NEGR1: variants seen among roughly 807,000 people sequenced by gnomAD.
NEGR1 encodes the protein neuronal growth regulator 1.
NEGR1 carries 10 observed loss-of-function variants against 40.9 expected under a neutral mutation model. That is an observed-to-expected ratio of 0.24 (90% CI 0.15 to 0.42). NEGR1 has a LOEUF of 0.42. NEGR1 is among the 10% of genes least tolerant of loss of function. The probability of loss-of-function intolerance (pLI) is 1.00; values close to 1 mark genes in which losing one functional copy is unlikely to be tolerated. For synonymous variants in NEGR1, 185 were observed against 166.8 expected, an observed-to-expected ratio of 1.11 and a Z score of -0.84; for missense variants, 352 against 438.9, an observed-to-expected ratio of 0.80 and a Z score of 1.77.
chr1:71,560,050 C>G (rs1002383200), intron 6 of NEGR1, among the ~76,000 whole-genome samples: 1 of 151,188 alleles, frequency 6.6e-6, no homozygotes, highest in South Asian at 2.1e-4. Flanking sequence ...TTGTCAACTA[C>G]ACAGATATTT....
chr1:71,664,893 C>T (rs1570170549), intron 4 of NEGR1, among the ~76,000 whole-genome samples: 2 of 152,176 alleles, frequency 1.3e-5, no homozygotes, highest in East Asian at 3.9e-4. Context: ...ATGTAAGTTT[C>T]TGGGGTAGAT....
At chr1:71,659,975 G>A (rs1652003534) in intron 4 of NEGR1, among the ~76,000 whole-genome samples, 1 of 152,074 alleles carries the variant, frequency 6.6e-6, no homozygotes, top group Non-Finnish European at 1.5e-5. Flanking sequence ...CCATTACTGG[G>A]TATATACCCA....
chr1:71,602,099 C>T (rs140222631), intron 5 of NEGR1, among the ~76,000 whole-genome samples: 2,011 of 152,170 alleles, frequency 0.013, 58 homozygotes, highest in African/African-American at 0.046. Flanking sequence ...TAAGACCCTC[C>T]AAGTCTTTCC....
chr1:72,132,829 A>C (rs544311241), intron 1 of NEGR1, among the ~76,000 whole-genome samples: 1 of 152,298 alleles, frequency 6.6e-6, no homozygotes, highest in African/African-American at 2.4e-5. Context: ...AGAGGATTTT[A>C]AAGATATATT....
chr1:71,935,269 G>A lies in NEGR1; in HGVS notation c.219C>T (p.Asn73=), dbSNP rs1645894256. ...EDGASKGAWL[N]RSSIIFAGGD... ...CTCCCGCAAAAATAATACTTGACCG[G>A]TTCAGCCAGGCACCCTTTGAAGCTC... The change falls in exon 2 of 7, where the codon AAC becomes AAT. Residue 73 remains asparagine (N), a synonymous_variant. Coordinates refer to ENST00000357731, the MANE Select transcript of NEGR1 (RefSeq NM_173808.3). 6.2e-7 allele frequency: 1 copy of A among 1,613,840 alleles called. No individual in the cohort carries two copies. The highest frequency in any genetic ancestry group is 8.5e-7 in the Non-Finnish European group (1 of 1,179,882).
intron 6 of NEGR1, among the ~76,000 whole-genome samples, chr1:71,464,573 G>C (rs1274088592): frequency 6.6e-6 from 1 of 152,076 alleles, no homozygotes; most frequent in African/African-American, 2.4e-5. Flanking sequence ...GAAAGATTGA[G>C]TTTTTATTAC....
chr1:71,613,520 A>G (rs1391178571), intron 4 of NEGR1, among the ~76,000 whole-genome samples: 2 of 151,936 alleles, frequency 1.3e-5, no homozygotes, highest in Non-Finnish European at 2.9e-5. Context: ...AGTGGTGGGC[A>G]CCTGTAATCC....
At chr1:71,768,156 T>G (rs188837857) in intron 3 of NEGR1, among the ~76,000 whole-genome samples, 1 of 152,248 alleles carries the variant, frequency 6.6e-6, no homozygotes, top group South Asian at 2.1e-4. Flanking sequence ...GGGGCATTAC[T>G]TAGTGGAGTT....
intron 1 of NEGR1, among the ~76,000 whole-genome samples, chr1:72,281,839 T>C (rs950237543): frequency 7.9e-5 from 12 of 151,534 alleles, no homozygotes; most frequent in Non-Finnish European, 1.3e-4. Context: ...CAGAAAGCGG[T>C]AAAAGGAAAG....
intron 1 of NEGR1, among the ~76,000 whole-genome samples, chr1:72,063,094 A>AT (rs1331013547): frequency 6.6e-6 from 1 of 151,962 alleles, no homozygotes; most frequent in African/African-American, 2.4e-5. Context: ...TTTGAAAAAA[A>AT]ATCTGTTCAG....
chr1:72,135,404 C>CAAAAAAA (rs562148946), intron 1 of NEGR1, among the ~76,000 whole-genome samples: 2 of 65,798 alleles, frequency 3.0e-5, no homozygotes, highest in South Asian at 4.9e-4. Context: ...AAACAAAAAA[C>CAAAAAAA]AAAAAAAAAA....
rs1034005652 is a variant in NEGR1, at chr1:71,988,575, A to C, written c.177-53264T>G. ...AAAAAAAAAAAAAAAAAAAAGAGTAAAGGAGAGAAATAAGACAGAAAATAG... is the reference window on the plus strand; with the variant it reads ...AAAAAAAAAAAAAAAAAAAAGAGTACAGGAGAGAAATAAGACAGAAAATAG... On this transcript the variant is annotated intron_variant, in intron 1 of 6. Transcript: ENST00000357731. Among the ~76,000 whole-genome samples, 5 of 149,878 alleles carry C rather than the reference A, an allele frequency of 3.3e-5. 1 individual carries two copies. The highest frequency in any genetic ancestry group is 1.2e-4 in the African/African-American group (5 of 40,930).
chr1:72,115,936 T>C (rs778504675), intron 1 of NEGR1, among the ~76,000 whole-genome samples: 32 of 151,670 alleles, frequency 2.1e-4, no homozygotes, highest in Non-Finnish European at 4.4e-4. Context: ...GAAATAGGAG[T>C]TGACTTAAGA....
intron 1 of NEGR1, among the ~76,000 whole-genome samples, chr1:72,147,565 T>C (rs190242425): frequency 5.3e-5 from 8 of 152,170 alleles, no homozygotes; most frequent in African/African-American, 1.9e-4. Flanking sequence ...AATCTCATGT[T>C]CTCATATTTC....
intron 1 of NEGR1, among the ~76,000 whole-genome samples, chr1:72,186,208 G>C (rs1425384922): frequency 1.3e-5 from 2 of 151,616 alleles, no homozygotes; most frequent in African/African-American, 2.4e-5. Flanking sequence ...CTGTTGATTT[G>C]TCCCAGTCAG....
intron 1 of NEGR1, among the ~76,000 whole-genome samples, chr1:72,078,099 C>T (rs1647829191): frequency 6.6e-6 from 1 of 152,198 alleles, no homozygotes; most frequent in Admixed American, 6.5e-5. Flanking sequence ...ATATTGTTGT[C>T]CATTAGTCAG....
chr1:71,429,581 G>C (rs904196746), intron 6 of NEGR1, among the ~76,000 whole-genome samples: 2 of 152,040 alleles, frequency 1.3e-5, no homozygotes, highest in African/African-American at 4.8e-5. Context: ...ATTCCATTTT[G>C]TTCTCACTCT....
At chr1:71,436,950 T>G (rs1646513732) in intron 6 of NEGR1, among the ~76,000 whole-genome samples, 1 of 152,166 alleles carries the variant, frequency 6.6e-6, no homozygotes, top group African/African-American at 2.4e-5. Flanking sequence ...TTAAGTTTTT[T>G]GGGAGATTTT....
chr1:72,191,923 G>T (rs1303711464), intron 1 of NEGR1, among the ~76,000 whole-genome samples: 1 of 151,838 alleles, frequency 6.6e-6, no homozygotes, highest in Non-Finnish European at 1.5e-5. Context: ...AGAAGCAAAT[G>T]TCTGTTCCCT....
Sources: allele counts gnomAD v4.1 joint callset (sites outside exome capture counted in the v4.1 genomes callset), GRCh38; gene constraint gnomAD v4.1.1; transcripts MANE v1.5; gene names NCBI Gene and HGNC (gene_info 2026-07-23, HGNC 2026-07-21).